Variants in TXNDC16 observed in about 807,000 individuals in gnomAD.
TXNDC16 encodes the protein thioredoxin domain containing 16.
Under a neutral mutation model 85.6 loss-of-function variants are expected in TXNDC16, and 74 were observed. That is an observed-to-expected ratio of 0.86 (90% CI 0.72 to 1.05). TXNDC16 has a LOEUF of 1.05. TXNDC16 is among the 50% of genes least tolerant of loss of function. TXNDC16 has a pLI of 0.00. For missense variants in TXNDC16, 959 were observed against 947.0 expected (o/e 1.01, Z -0.17); for synonymous variants, 335 against 326.5 (o/e 1.03, Z -0.28).
intron 6 of TXNDC16, among the ~76,000 whole-genome samples, chr14:52,534,309 T>G (rs946091669): frequency 6.6e-6 from 1 of 152,146 alleles, no homozygotes; most frequent in Non-Finnish European, 1.5e-5. Flanking sequence ...GACAAGCTTG[T>G]CCAACCTGTG....
chr14:52,516,671 G>C (rs2140189183), intron 7 of TXNDC16, among the ~76,000 whole-genome samples: 1 of 152,194 alleles, frequency 6.6e-6, no homozygotes, highest in East Asian at 1.9e-4. Context: ...TTTCTTTGAT[G>C]ATTCCTCCTT....
intron 9 of TXNDC16, among the ~76,000 whole-genome samples, chr14:52,506,535 T>TC (rs2140175789): frequency 7.3e-6 from 1 of 137,782 alleles, no homozygotes; most frequent in Admixed American, 7.2e-5. Flanking sequence ...CCCTTTTTTT[T>TC]TTTTTTTTTT....
intron 16 of TXNDC16, among the ~76,000 whole-genome samples, chr14:52,466,779 A>G (rs2035786789): frequency 6.6e-6 from 1 of 152,014 alleles, no homozygotes; most frequent in African/African-American, 2.4e-5. Flanking sequence ...AGGCAGGAGA[A>G]TGGCGTGAAC....
At chr14:52,527,638 G>A (rs2140204356) in intron 6 of TXNDC16, among the ~76,000 whole-genome samples, 1 of 152,252 alleles carries the variant, frequency 6.6e-6, no homozygotes, top group Middle Eastern at 3.4e-3. Flanking sequence ...CTATGTACAG[G>A]TATAAGCATC....
At chr14:52,477,947 A>G (rs2140139963) in intron 14 of TXNDC16, among the ~76,000 whole-genome samples, 1 of 152,338 alleles carries the variant, frequency 6.6e-6, no homozygotes, top group East Asian at 1.9e-4. Context: ...GAGCCTCAAT[A>G]AATTCAAGAA....
chr14:52,500,082 C>G (rs147189236), intron 9 of TXNDC16, among the ~76,000 whole-genome samples: 2,030 of 151,982 alleles, frequency 0.013, 45 homozygotes, highest in African/African-American at 0.046. Context: ...AAAAATGAAA[C>G]TACCATATGA....
At chr14:52,526,667 G>C (rs1188642986) in intron 6 of TXNDC16, among the ~76,000 whole-genome samples, 1 of 152,168 alleles carries the variant, frequency 6.6e-6, no homozygotes, top group African/African-American at 2.4e-5. Context: ...TGCAACTCCT[G>C]ACATCCTTAC....
intron 7 of TXNDC16, 43 bp downstream of exon 7, chr14:52,519,121 ATACATAAG>A: frequency 6.5e-7 from 1 of 1,541,468 alleles, no homozygotes; most frequent in Non-Finnish European, 8.8e-7. Context: ...GTACTTCAAC[ATACATAAG>A]TACAGAGGCA....
intron 3 of TXNDC16, among the ~76,000 whole-genome samples, chr14:52,543,045 C>A (rs990732943): frequency 1.3e-5 from 2 of 151,738 alleles, no homozygotes; most frequent in East Asian, 3.8e-4. Context: ...TAGTTACACG[C>A]TAAAAACATG....
At chr14:52,441,286 C>A (rs2035158777) in intron 18 of TXNDC16, among the ~76,000 whole-genome samples, 2 of 152,104 alleles carry the variant, frequency 1.3e-5, no homozygotes, top group South Asian at 4.1e-4. Context: ...AATTAGAAAT[C>A]TAATCCTTTT....
chr14:52,539,828 A>G (rs79704488), intron 4 of TXNDC16, among the ~76,000 whole-genome samples: 2,036 of 152,274 alleles, frequency 0.013, 45 homozygotes, highest in African/African-American at 0.046. Flanking sequence ...CTTGTATAAT[A>G]TATCTTTTTT....
chr14:52,525,999 G>A (rs2037326340), intron 6 of TXNDC16, among the ~76,000 whole-genome samples: 1 of 151,798 alleles, frequency 6.6e-6, no homozygotes, highest in Admixed American at 6.6e-5. Flanking sequence ...TTTTTTTACT[G>A]TTGTATTGTT....
intron 20 of TXNDC16, among the ~76,000 whole-genome samples, chr14:52,438,918 A>T (rs1002088494): frequency 3.9e-5 from 6 of 152,128 alleles, no homozygotes; most frequent in African/African-American, 1.4e-4. Flanking sequence ...CACTGTAACA[A>T]CTTTTTTAAT....
chr14:52,470,728 G>T (rs2035888560), intron 14 of TXNDC16, 48 bp from the exon 15 acceptor site: 1 of 1,528,584 alleles, frequency 6.5e-7, no homozygotes, highest in Non-Finnish European at 8.9e-7. Context: ...TGTAGAAAAT[G>T]CATTTGCTTA....
Position 52,440,696 on chromosome 14 carries a change from C to G in TXNDC16, c.1871G>C (p.Ser624Thr). The G allele has an allele frequency of 6.2e-7, 1 of 1,606,240 alleles. No homozygotes were observed. The highest frequency in any genetic ancestry group is 8.5e-7 in the Non-Finnish European group (1 of 1,178,028). Residue 624 changes from serine (S) to threonine (T), a missense_variant, in exon 19 of 21, where the codon AGT (serine) becomes ACT (threonine). By Grantham distance (58) the Ser-to-Thr change is moderately conservative. Transcript: ENST00000281741. ...FPEITVENLP[S>T]YFRLQKPLLI... ...TAATGGTTTCTGAAGTCTGAAATAA[C>G]TGGGAAGATTTTCCACAGTGATTTC...
intron 7 of TXNDC16, among the ~76,000 whole-genome samples, chr14:52,517,937 A>T (rs1283611181): frequency 6.6e-6 from 1 of 151,702 alleles, no homozygotes; most frequent in African/African-American, 2.4e-5. Flanking sequence ...AACCCCTACC[A>T]CTCTACAGAA....
chr14:52,443,789 T>C (rs2035218379), intron 18 of TXNDC16, among the ~76,000 whole-genome samples: 1 of 152,078 alleles, frequency 6.6e-6, no homozygotes, highest in Admixed American at 6.5e-5. Flanking sequence ...AACTAGAATA[T>C]AAATTTGTGA....
At chr14:52,535,339 G>A (rs572648717) in intron 6 of TXNDC16, among the ~76,000 whole-genome samples, 7 of 152,200 alleles carry the variant, frequency 4.6e-5, no homozygotes, top group East Asian at 1.9e-4. Context: ...CGATTGGCTC[G>A]TTAGTCTACA....
intron 18 of TXNDC16, among the ~76,000 whole-genome samples, chr14:52,450,331 G>C (rs1296271821): frequency 2.6e-5 from 4 of 151,092 alleles, no homozygotes; most frequent in Non-Finnish European, 5.9e-5. Flanking sequence ...GGAAAATTTA[G>C]AAGAAATGGA....
Sources: gnomAD v4.1 joint callset for allele counts (sites outside exome capture counted in the v4.1 genomes callset) on GRCh38, gnomAD v4.1.1 for gene constraint, MANE v1.5 for transcripts, NCBI Gene and HGNC (gene_info 2026-07-23, HGNC 2026-07-21) for gene names.